The following PCDH11X variants were observed in gnomAD, a reference collection of about 807,000 sequenced individuals.
PCDH11X encodes the protein protocadherin 11 X-linked.
A neutral mutation model predicts 53.3 loss-of-function variants in PCDH11X; 18 were observed. The ratio of observed to expected loss-of-function variants is 0.34; its 90% CI spans 0.23 to 0.50. The LOEUF is 0.50. Ranked by LOEUF, PCDH11X falls within the 20% of genes least tolerant of loss-of-function variation. The pLI is 0.98. For missense variants in PCDH11X, 570 were observed against 1,032.4 expected (o/e 0.55, Z 6.14); for synonymous variants, 279 against 393.3 (o/e 0.71, Z 3.44).
At chrX:92,408,676 G>A (rs76879506) in intron 9 of PCDH11X, among the ~76,000 whole-genome samples, 1 of 110,758 alleles carries the variant, frequency 9.0e-6, no homozygotes, top group Non-Finnish European at 1.9e-5. Context: ...TCTGCCTCTC[G>A]GGTTCACGCC....
At chrX:92,471,973 T>A (rs192177761) in intron 10 of PCDH11X, among the ~76,000 whole-genome samples, 1,478 of 111,746 alleles carry the variant, frequency 0.013, 32 homozygotes, top group African/African-American at 0.046. Context: ...CTTTGTAATT[T>A]TTTTTAAGTT....
chrX:92,023,953 A>G (rs1211513171), intron 6 of PCDH11X, among the ~76,000 whole-genome samples: 1 of 106,127 alleles, frequency 9.4e-6, no homozygotes, highest in African/African-American at 3.4e-5. Flanking sequence ...GGCCTTTGAT[A>G]AAATTCAACA....
intron 6 of PCDH11X, among the ~76,000 whole-genome samples, chrX:92,017,434 C>T (rs1275635377): frequency 2.8e-5 from 3 of 107,882 alleles, no homozygotes; most frequent in African/African-American, 1.0e-4. Flanking sequence ...CACGGTGGCT[C>T]ACCCCTGTAA....
intron 4 of PCDH11X, among the ~76,000 whole-genome samples, chrX:91,833,222 C>T (rs1260741714): frequency 1.8e-5 from 2 of 109,620 alleles, no homozygotes; most frequent in African/African-American, 6.6e-5. Flanking sequence ...ATTTTTATTT[C>T]TGCTTATGTT....
chrX:91,784,650 T>C (rs1443960163), intron 1 of PCDH11X, among the ~76,000 whole-genome samples: 3 of 111,826 alleles, frequency 2.7e-5, no homozygotes, highest in Non-Finnish European at 5.6e-5. Flanking sequence ...TACAACCAGT[T>C]AGAGCCTCTT....
chrX:91,970,049 G>GT (rs1261738592), intron 6 of PCDH11X, among the ~76,000 whole-genome samples: 3 of 111,106 alleles, frequency 2.7e-5, no homozygotes, highest in Non-Finnish European at 5.7e-5. Context: ...GACCATCACA[G>GT]TGAGTGTTAC....
At chrX:91,978,024 C>G (rs1055818217) in intron 6 of PCDH11X, among the ~76,000 whole-genome samples, 7 of 111,692 alleles carry the variant, frequency 6.3e-5, no homozygotes, top group East Asian at 5.7e-4. Flanking sequence ...TCGTATAACC[C>G]TCCTTTGTAA....
At chrX:92,079,829 G>T (rs1455192177) in intron 6 of PCDH11X, among the ~76,000 whole-genome samples, 1 of 111,652 alleles carries the variant, frequency 9.0e-6, no homozygotes, top group Admixed American at 9.6e-5. Flanking sequence ...CTTGTTACAT[G>T]AATTGATGGT....
At chrX:92,264,430 CA>C (rs2067781122) in intron 8 of PCDH11X, among the ~76,000 whole-genome samples, 1 of 111,089 alleles carries the variant, frequency 9.0e-6, no homozygotes, top group Non-Finnish European at 1.9e-5. Flanking sequence ...AGGAAGGAAG[CA>C]AGGGTAGTAA....
intron 8 of PCDH11X, among the ~76,000 whole-genome samples, chrX:92,314,659 C>G (rs1271684663): frequency 1.2e-4 from 13 of 110,571 alleles, no homozygotes; most frequent in Non-Finnish European, 2.1e-4. Context: ...ATGATGGCTA[C>G]GAAGTCACTA....
At chrX:92,035,018 C>A (rs1473087064) in intron 6 of PCDH11X, among the ~76,000 whole-genome samples, 1 of 110,352 alleles carries the variant, frequency 9.1e-6, no homozygotes, top group East Asian at 2.9e-4. Flanking sequence ...AACAAACAAG[C>A]AAAAATAAAA....
intron 6 of PCDH11X, among the ~76,000 whole-genome samples, chrX:92,024,830 A>G (rs2079198): frequency 0.22 from 24,021 of 106,858 alleles, 2,756 homozygotes; most frequent in African/African-American, 0.41. Flanking sequence ...ACTGACATAC[A>G]ATGGAATAGA....
intron 7 of PCDH11X, among the ~76,000 whole-genome samples, chrX:92,241,357 C>A (rs1300606581): frequency 4.5e-5 from 5 of 111,623 alleles, no homozygotes; most frequent in Non-Finnish European, 7.5e-5. Flanking sequence ...ATGAATGCAT[C>A]AACAAAGAAA....
intron 6 of PCDH11X, among the ~76,000 whole-genome samples, chrX:92,172,150 C>T (rs1481807031): frequency 9.1e-6 from 1 of 110,239 alleles, no homozygotes. Context: ...GCTTGATTGT[C>T]CTAGCTAGAA....
chrX:92,348,484 T>A (rs1387051430), intron 8 of PCDH11X, among the ~76,000 whole-genome samples: 1 of 103,689 alleles, frequency 9.6e-6, no homozygotes, highest in East Asian at 3.0e-4. Flanking sequence ...GATGTTTTAA[T>A]TCAGAGAAAT....
chrX:92,320,739 C>T (rs765757831), intron 8 of PCDH11X, among the ~76,000 whole-genome samples: 1 of 111,235 alleles, frequency 9.0e-6, no homozygotes, highest in African/African-American at 3.3e-5. Flanking sequence ...TGTAAGGGGT[C>T]CATCCTGCAG....
intron 7 of PCDH11X, among the ~76,000 whole-genome samples, chrX:92,204,562 G>A (rs1480218059): frequency 8.9e-6 from 1 of 112,050 alleles, no homozygotes; most frequent in East Asian, 2.8e-4. Flanking sequence ...TTTGTTCAAA[G>A]CCATTCAACA....
chrX:92,387,058 C>G (rs1261386050), intron 8 of PCDH11X, among the ~76,000 whole-genome samples: 1 of 103,940 alleles, frequency 9.6e-6, no homozygotes, highest in African/African-American at 3.5e-5. Context: ...AATGCTTCAT[C>G]TTTATCTTTT....
chrX:92,611,405 T>C (rs1184407351), intron 10 of PCDH11X, among the ~76,000 whole-genome samples: 2 of 110,035 alleles, frequency 1.8e-5, no homozygotes, highest in Non-Finnish European at 3.8e-5. Context: ...CTTTAATATA[T>C]AGAAATTCTA....
Sources: allele counts gnomAD v4.1 joint callset (sites outside exome capture counted in the v4.1 genomes callset), GRCh38; gene constraint gnomAD v4.1.1; transcripts MANE v1.5; gene names NCBI Gene and HGNC (gene_info 2026-07-23, HGNC 2026-07-21).